The following PREP variants were observed in gnomAD, a reference collection of about 807,000 sequenced individuals.
PREP encodes prolyl endopeptidase.
A neutral mutation model predicts 87.6 loss-of-function variants in PREP; 29 were observed. The observed-to-expected ratio is 0.33, with a 90% CI of 0.25 to 0.45. The LOEUF is 0.45. Among genes scored for constraint, PREP ranks in the 20% least tolerant of loss-of-function variants. PREP has a pLI of 1.00. For synonymous variants in PREP, 337 were observed against 328.6 expected (o/e 1.03, Z -0.28); for missense variants, 695 against 886.5 (o/e 0.78, Z 2.74).
chr6:105,302,868 T>A, intron 10 of PREP: 1 of 311,970 alleles, frequency 3.2e-6, no homozygotes, highest in South Asian at 2.6e-5. Context: ...GGCTAAATAC[T>A]CTCTTTTTGA....
At chr6:105,313,195 A>C (rs138112169) in intron 10 of PREP, among the ~76,000 whole-genome samples, 44 of 152,274 alleles carry the variant, frequency 2.9e-4, no homozygotes, top group African/African-American at 1.0e-3. Context: ...CAGACCAATG[A>C]CAGTAATGCC....
At chr6:105,355,820 A>G (rs1772085151) in intron 6 of PREP, among the ~76,000 whole-genome samples, 1 of 152,172 alleles carries the variant, frequency 6.6e-6, no homozygotes, top group South Asian at 2.1e-4. Flanking sequence ...CCTGTCTTCA[A>G]CTTTTGCATT....
intron 2 of PREP, among the ~76,000 whole-genome samples, chr6:105,392,145 C>T (rs964113853): frequency 1.1e-4 from 17 of 149,410 alleles, no homozygotes; most frequent in African/African-American, 3.2e-4. Context: ...CCTGGGTTCA[C>T]GCCATTCTCC....
At chr6:105,300,594 C>CA (rs1362026591) in intron 10 of PREP, among the ~76,000 whole-genome samples, 1 of 151,676 alleles carries the variant, frequency 6.6e-6, no homozygotes, top group African/African-American at 2.4e-5. Context: ...GATAAGAACT[C>CA]ACAGATCCTT....
chr6:105,321,328 G>T (rs149309531), intron 10 of PREP, among the ~76,000 whole-genome samples: 3 of 152,142 alleles, frequency 2.0e-5, no homozygotes, highest in African/African-American at 7.2e-5. Flanking sequence ...ATAAAAAACT[G>T]TAAGTATTTA....
intron 7 of PREP, 126 bp from the exon 8 acceptor site, chr6:105,333,631 T>G: frequency 1.0e-6 from 1 of 1,002,370 alleles, no homozygotes; most frequent in Non-Finnish European, 1.5e-6. Context: ...TTGGAAGATC[T>G]AGGGCATGAA....
At chr6:105,326,987 T>G (rs1047872870) in intron 9 of PREP, among the ~76,000 whole-genome samples, 145 of 152,310 alleles carry the variant, frequency 9.5e-4, no homozygotes, top group African/African-American at 3.3e-3. Flanking sequence ...AATAAGCCCT[T>G]TCTTCCCCAG....
At chr6:105,383,278 G>A (rs1368885138) in intron 2 of PREP, among the ~76,000 whole-genome samples, 4 of 148,364 alleles carry the variant, frequency 2.7e-5, no homozygotes, top group South Asian at 2.1e-4. Flanking sequence ...AAGAGTGCTC[G>A]TAATTTTCCA....
intron 2 of PREP, among the ~76,000 whole-genome samples, chr6:105,397,133 C>T (rs1049346651): frequency 1.4e-4 from 20 of 147,004 alleles, no homozygotes; most frequent in African/African-American, 4.6e-4. Flanking sequence ...TGCAGTGAGC[C>T]AAGATCGCAC....
chr6:105,381,638 T>A (rs186141773), intron 2 of PREP, among the ~76,000 whole-genome samples: 1 of 152,324 alleles, frequency 6.6e-6, no homozygotes, highest in Admixed American at 6.5e-5. Context: ...GTCAACAGTT[T>A]AGATTTTATA....
chr6:105,306,510 C>T (rs78297233), intron 10 of PREP, among the ~76,000 whole-genome samples: 3,849 of 152,164 alleles, frequency 0.025, 119 homozygotes, highest in East Asian at 0.098. Context: ...ATTGACTGGC[C>T]CCTCTCATAG....
intron 1 of PREP, among the ~76,000 whole-genome samples, chr6:105,398,611 A>C (rs374026632): frequency 2.6e-5 from 4 of 152,300 alleles, no homozygotes; most frequent in East Asian, 1.9e-4. Context: ...ATGATATTGG[A>C]AGAAATAAAA....
chr6:105,296,094 G>A (rs1770404534), intron 10 of PREP, among the ~76,000 whole-genome samples: 1 of 152,152 alleles, frequency 6.6e-6, no homozygotes, highest in African/African-American at 2.4e-5. Context: ...AACAACTTAG[G>A]TGCCCAGTGA....
At chr6:105,320,780 T>C (rs1770984887) in intron 10 of PREP, among the ~76,000 whole-genome samples, 1 of 152,180 alleles carries the variant, frequency 6.6e-6, no homozygotes, top group Non-Finnish European at 1.5e-5. Context: ...AAAGTAACAT[T>C]ATCCTAAAGT....
Position 105,273,218 on chromosome 6 carries a change from T to C in PREP, c.*4926A>G, listed in dbSNP as rs1562181744. On this transcript the variant is annotated 3_prime_UTR_variant, in exon 15 of 15. Coordinates refer to ENST00000652536, the MANE Select transcript of PREP (RefSeq NM_002726.5). ...GATGGCACTCATCCAGAAAGGGTCA[T>C]TGCTCTTTTTTCTCTTTATTTCACT... 6.6e-6 allele frequency: 1 copy of C among 152,188 alleles called. No individual in the cohort carries two copies. Among genetic ancestry groups the C allele is most frequent in the Non-Finnish European group, 1.5e-5 (1 of 68,036 alleles). The allele number at this position is 152,188 out of a possible 1,614,324, so 9.4% of individuals were successfully genotyped here.
At chr6:105,287,202 T>C in intron 11 of PREP, among the ~76,000 whole-genome samples, 1 of 151,958 alleles carries the variant, frequency 6.6e-6, no homozygotes, top group South Asian at 2.1e-4. Flanking sequence ...TAGATACCAA[T>C]GTGTTAATAT....
chr6:105,305,678 A>G (rs1407820688), intron 10 of PREP, among the ~76,000 whole-genome samples: 1 of 152,180 alleles, frequency 6.6e-6, no homozygotes, highest in Non-Finnish European at 1.5e-5. Flanking sequence ...GCAGTGGAAT[A>G]ACAGTAGCAG....
chr6:105,278,806 C>CA lies in PREP; in HGVS notation c.1839-369dup, dbSNP rs963087290. ...GTCATTATAACCACACTCAGTGGTTCAAAAAAAGTCCAAGCCTTTCTTTTG... is the reference window on the plus strand; with the variant it reads ...GTCATTATAACCACACTCAGTGGTTCAAAAAAAAGTCCAAGCCTTTCTTTTG... On this transcript the variant is annotated intron_variant, in intron 14 of 14. Coordinates refer to ENST00000652536, the MANE Select transcript of PREP (RefSeq NM_002726.5). The surrounding 1 kb of genome is among the most constrained non-coding windows in gnomAD (Gnocchi z 4.2). Among the ~76,000 whole-genome samples the CA allele has an allele frequency of 1.1e-4, 16 of 152,098 alleles. No individual in the cohort carries two copies. The highest frequency in any genetic ancestry group is 1.2e-4 in the African/African-American group (5 of 41,500).
intron 2 of PREP, among the ~76,000 whole-genome samples, chr6:105,380,847 G>A (rs148415056): frequency 2.0e-5 from 3 of 152,104 alleles, no homozygotes; most frequent in African/African-American, 7.2e-5. Context: ...TTAGGCCCAC[G>A]GTGGGTCCAA....
Sources: gnomAD v4.1 joint callset for allele counts (sites outside exome capture counted in the v4.1 genomes callset) on GRCh38, gnomAD v4.1.1 for gene constraint, Gnocchi (gnomAD v3.1) non-coding constraint, MANE v1.5 for transcripts, NCBI Gene and HGNC (gene_info 2026-07-23, HGNC 2026-07-21) for gene names.